Variants in SHCBP1 observed in about 807,000 individuals in gnomAD.
The protein encoded by SHCBP1 is SHC binding and spindle associated 1.
SHCBP1 carries 60 observed loss-of-function variants against 75.1 expected under a neutral mutation model. The ratio of observed to expected loss-of-function variants is 0.80; its 90% CI spans 0.65 to 0.99. The LOEUF (loss-of-function observed/expected upper bound fraction) is 0.99. Among genes scored for constraint, SHCBP1 ranks in the 50% least tolerant of loss-of-function variants. The probability of loss-of-function intolerance (pLI) is 0.00; values close to 1 mark genes in which losing one functional copy is unlikely to be tolerated. For synonymous variants in SHCBP1, 290 were observed against 293.2 expected, an observed-to-expected ratio of 0.99 and a Z score of 0.11; for missense variants, 709 against 809.4, an observed-to-expected ratio of 0.88 and a Z score of 1.50.
At chr16:46,586,588 A>C (rs768804520) in intron 10 of SHCBP1, among the ~76,000 whole-genome samples, 5 of 152,230 alleles carry the variant, frequency 3.3e-5, no homozygotes, top group African/African-American at 7.2e-5. Flanking sequence ...GATTTGGATA[A>C]TAAGCCTACA....
At chr16:46,583,118 T>C (rs1964898188) in intron 12 of SHCBP1, among the ~76,000 whole-genome samples, 1 of 152,170 alleles carries the variant, frequency 6.6e-6, no homozygotes, top group South Asian at 2.1e-4. Context: ...TTTCACTGTC[T>C]CCAGCCTTAA....
chr16:46,602,008 A>C (rs1567448351), intron 8 of SHCBP1, among the ~76,000 whole-genome samples: 1 of 152,190 alleles, frequency 6.6e-6, no homozygotes, highest in Non-Finnish European at 1.5e-5. Context: ...ATATATGCAC[A>C]CTAGAGATAC....
At chr16:46,620,092 C>G (rs1038169340) in intron 1 of SHCBP1, among the ~76,000 whole-genome samples, 12 of 151,972 alleles carry the variant, frequency 7.9e-5, no homozygotes, top group African/African-American at 2.9e-4. Context: ...TTTGATATAC[C>G]TATACATTAT....
intron 9 of SHCBP1, among the ~76,000 whole-genome samples, chr16:46,598,446 A>G (rs1370730569): frequency 6.6e-6 from 1 of 152,190 alleles, no homozygotes; most frequent in Non-Finnish European, 1.5e-5. Flanking sequence ...GTCAATAAGC[A>G]ATCATATTTT....
chr16:46,603,645 T>C lies in SHCBP1; in HGVS notation c.1107A>G (p.Pro369=). 6.2e-7 allele frequency: 1 copy of C among 1,614,084 alleles called. No individual in the cohort carries two copies. Among genetic ancestry groups the C allele is most frequent in the Non-Finnish European group, 8.5e-7 (1 of 1,180,010 alleles). The change falls in exon 8 of 13, where the codon CCA becomes CCG. Residue 369 remains proline (P), a synonymous_variant. Coordinates refer to ENST00000303383, the MANE Select transcript of SHCBP1 (RefSeq NM_024745.5). ...CGAAGCAGGCATTTATAGCAGACAA[T>C]GGATCACTATGGAACTAGAAAACAA... ...EEREIQFHSD[P]LSAINACFEG... is the part of the protein sequence containing the mutation.
Position 46,621,307 on chromosome 16 carries a change from G to A in SHCBP1, c.53C>T (p.Pro18Leu), listed in dbSNP as rs755251087. ...CTCCACCGCCCAGCCCATGCGCTCC[G>A]GCGCCATGGCCGCTGCCTCCAGACC... ...GGGLEAAAMA[P>L]ERMGWAVEQE... The change falls in exon 1 of 13, where the codon CCG becomes CTG. Residue 18 changes from proline to leucine, a missense_variant. Physicochemically the swap from Pro to Leu is moderately conservative, Grantham distance 98. Transcript: ENST00000303383. 9.3e-6 allele frequency: 15 copies of A among 1,611,000 alleles called. No individual in the cohort carries two copies. In the East Asian group the frequency reaches 1.6e-4, roughly 17 times the overall value.
chr16:46,611,474 A>G (rs987904104), intron 4 of SHCBP1, among the ~76,000 whole-genome samples: 2 of 152,230 alleles, frequency 1.3e-5, no homozygotes, highest in Non-Finnish European at 2.9e-5. Context: ...ACTCGTCACC[A>G]CAATGACCAC....
chr16:46,620,935 C>T (rs1290126916), intron 1 of SHCBP1: 2 of 291,740 alleles, frequency 6.9e-6, no homozygotes, highest in Non-Finnish European at 1.3e-5. Flanking sequence ...GCCCCTTGAG[C>T]AACAGTAAAT....
At position 46,616,221 on chromosome 16, in the gene SHCBP1, C is replaced by A; in HGVS notation, c.388-67G>T. ...ATGAAGATACACCTATAAGACACTA[C>A]TGACAACCTGATTTTTTTAAAAGCA... On this transcript the variant is annotated intron_variant, in intron 3 of 12. Coordinates refer to ENST00000303383, the MANE Select transcript of SHCBP1 (RefSeq NM_024745.5). The surrounding 1 kb of genome is among the most constrained non-coding windows in gnomAD (Gnocchi z 4.4). The A allele has an allele frequency of 6.1e-6, 9 of 1,484,516 alleles. No individual in the cohort carries two copies. Among genetic ancestry groups the A allele is most frequent in the Non-Finnish European group, 8.3e-6 (9 of 1,087,016 alleles). 92.0% of individuals were successfully genotyped at this position (1,484,516 alleles called of 1,614,324 possible). A position where few individuals can be genotyped will look rare whatever the true frequency, so the allele number is the denominator to read the frequency against.
chr16:46,594,447 T>C (rs1177860251), intron 10 of SHCBP1, among the ~76,000 whole-genome samples: 1 of 152,040 alleles, frequency 6.6e-6, no homozygotes, highest in Non-Finnish European at 1.5e-5. Flanking sequence ...GTCACAGATA[T>C]TTCACTAAAG....
chr16:46,598,580 G>A (rs1965180194), intron 9 of SHCBP1, among the ~76,000 whole-genome samples: 1 of 152,164 alleles, frequency 6.6e-6, no homozygotes, highest in Non-Finnish European at 1.5e-5. Context: ...CACAGGCAGA[G>A]TAGATCTGGC....
Position 46,604,271 on chromosome 16 carries a change from G to A in SHCBP1, c.880C>T (p.Gln294Ter). 6.2e-7 allele frequency: 1 copy of A among 1,614,178 alleles called. No homozygotes were observed. The highest frequency in any genetic ancestry group is 8.5e-7 in the Non-Finnish European group (1 of 1,180,032). Reference sequence around the variant, plus strand: ...ATGAGTTTCAGCTTTTGTTTCAACTGTTCCATCTCCGAATACAATTTTAAC... The same window carrying A: ...ATGAGTTTCAGCTTTTGTTTCAACTATTCCATCTCCGAATACAATTTTAAC... ...EGLKLYSEME[Q>*]LKQKLKLIEN... Residue 294 changes from glutamine to a stop codon, truncating the protein, a stop_gained, in exon 6 of 13, where the codon CAG (glutamine) becomes TAG (stop). Transcript: ENST00000303383. LOFTEE classifies it high-confidence loss of function.
chr16:46,609,576 TGA>T (rs1965376733), intron 4 of SHCBP1, among the ~76,000 whole-genome samples: 1 of 147,914 alleles, frequency 6.8e-6, no homozygotes, highest in South Asian at 2.2e-4. Flanking sequence ...CTCAGCCTCC[TGA>T]GCAGCTGGGA....
At chr16:46,615,731 C>A (rs1965484626) in intron 4 of SHCBP1, among the ~76,000 whole-genome samples, 1 of 151,682 alleles carries the variant, frequency 6.6e-6, no homozygotes, top group African/African-American at 2.4e-5. Flanking sequence ...CAGAGCAAGA[C>A]TATGTCTCAA....
chr16:46,609,905 G>A (rs1965381675), intron 4 of SHCBP1, among the ~76,000 whole-genome samples: 1 of 151,404 alleles, frequency 6.6e-6, no homozygotes, highest in Non-Finnish European at 1.5e-5. Context: ...TTTCATCTCT[G>A]CCTCACCCAG....
At position 46,616,752 on chromosome 16, in the gene SHCBP1, G is replaced by A. The variant is rs1190167327; in HGVS notation, c.388-598C>T. On this transcript the variant is annotated intron_variant, in intron 3 of 12. Transcript: ENST00000303383. This position sits in a 1 kb window ranked among gnomAD's most constrained non-coding sequence, Gnocchi z 4.4. ...CAATATCTTAGGAGTTTTAAGCAGA[G>A]AAATGGCATGCTTCTGTTTTAAAAC... Among the ~76,000 whole-genome samples the A allele has an allele frequency of 6.6e-6, 1 of 152,154 alleles. No homozygotes were observed. The highest frequency in any genetic ancestry group is 2.4e-5 in the African/African-American group (1 of 41,440).
chr16:46,603,854 A>G (rs1965281532), intron 7 of SHCBP1, 121 bp downstream of exon 7: 3 of 1,350,040 alleles, frequency 2.2e-6, no homozygotes, highest in East Asian at 2.4e-5. Context: ...GGCTCTCACT[A>G]CTTCCCATGC....
chr16:46,592,961 A>AAAAAAAAAAAAAAAAAAAC, intron 10 of SHCBP1, among the ~76,000 whole-genome samples: 1 of 143,778 alleles, frequency 7.0e-6, no homozygotes, highest in African/African-American at 2.6e-5. Context: ...CAAAAAAAAA[A>AAAAAAAAAAAAAAAAAAAC]AAAAAAAAAA....
At chr16:46,620,260 C>A (rs1965564751) in intron 1 of SHCBP1, among the ~76,000 whole-genome samples, 1 of 152,062 alleles carries the variant, frequency 6.6e-6, no homozygotes, top group South Asian at 2.1e-4. Context: ...CCTATTAATA[C>A]TGTAATAATA....
Sources: gnomAD v4.1 joint callset for allele counts (sites outside exome capture counted in the v4.1 genomes callset) on GRCh38, gnomAD v4.1.1 for gene constraint, Gnocchi (gnomAD v3.1) non-coding constraint, MANE v1.5 for transcripts, NCBI Gene and HGNC (gene_info 2026-07-23, HGNC 2026-07-21) for gene names.